The following LRP4 variants were observed in gnomAD, a reference collection of about 807,000 sequenced individuals.
LRP4 encodes LDL receptor related protein 4.
In LRP4, 95 loss-of-function variants were observed where a neutral mutation model predicts 220.3. That is an observed-to-expected ratio of 0.43 (90% CI 0.37 to 0.51). LRP4 has a LOEUF of 0.51. Ranked by LOEUF, LRP4 falls within the 20% of genes least tolerant of loss-of-function variation. The probability of loss-of-function intolerance (pLI) is 0.00; values close to 1 mark genes in which losing one functional copy is unlikely to be tolerated. For synonymous variants in LRP4, 903 were observed against 954.6 expected (o/e 0.95, Z 1.00); for missense variants, 1,925 against 2,567.0 (o/e 0.75, Z 5.40).
At position 46,876,454 on chromosome 11, in the gene LRP4, G is replaced by A; in HGVS notation, c.3536+12C>T. On this transcript the variant is annotated intron_variant, in intron 25 of 37. Transcript: ENST00000378623. ...CCCCCACACTACCCAGTGCGATACA[G>A]CCAGCTCTCACCCCATCTCATGGTA... 1 of 1,614,130 alleles carries A rather than the reference G, an allele frequency of 6.2e-7. No individual in the cohort carries two copies. The highest frequency in any genetic ancestry group is 8.5e-7 in the Non-Finnish European group (1 of 1,180,000).
intron 34 of LRP4, among the ~76,000 whole-genome samples, chr11:46,866,884 C>G (rs1940718819): frequency 1.3e-5 from 2 of 151,738 alleles, no homozygotes; most frequent in African/African-American, 4.8e-5. Flanking sequence ...TGTGTTCATG[C>G]TACTGCACTC....
intron 19 of LRP4, 37 bp downstream of exon 19, chr11:46,883,834 G>A: frequency 6.8e-7 from 1 of 1,463,174 alleles, no homozygotes; most frequent in Non-Finnish European, 9.6e-7. Flanking sequence ...TCTTGGGAGG[G>A]GTGGATGGAG....
In LRP4 at chr11:46,873,046, TTC is replaced by T; in HGVS notation, c.4583+52_4583+53del. On this transcript the variant is annotated intron_variant, in intron 30 of 37. Coordinates refer to ENST00000378623, the MANE Select transcript of LRP4 (RefSeq NM_002334.4). The surrounding 1 kb of genome is among the most constrained non-coding windows in gnomAD (Gnocchi z 4.2). ...ATTTTTCCAAGGTTAATCTCAACCA[TTC>T]TCTCTTCTGCCCACCCGATTTCCAG... The T allele has an allele frequency of 2.5e-6, 4 of 1,612,172 alleles. No homozygotes were observed. In the South Asian group the frequency reaches 4.4e-5, roughly 18 times the overall value.
chr11:46,874,732 A>G, intron 28 of LRP4, 68 bp downstream of exon 28: 1 of 1,432,980 alleles, frequency 7.0e-7, no homozygotes, highest in Non-Finnish European at 9.8e-7. Flanking sequence ...AGTGGTCAGA[A>G]CACAACCTCA....
intron 13 of LRP4, among the ~76,000 whole-genome samples, chr11:46,891,466 G>C (rs7928267): frequency 4.9e-4 from 47 of 96,370 alleles, no homozygotes; most frequent in African/African-American, 1.8e-3. Context: ...CACACACACA[G>C]ACACACACAC....
chr11:46,892,849 C>T (rs1458292768), intron 13 of LRP4, 124 bp downstream of exon 13: 30 of 1,195,486 alleles, frequency 2.5e-5, no homozygotes, highest in Middle Eastern at 2.8e-4. Flanking sequence ...GGATTACAGG[C>T]GTGAGCCACC....
chr11:46,864,577 CTT>C (rs765512668), intron 35 of LRP4, 42 bp from the exon 36 acceptor site: 8 of 1,326,674 alleles, frequency 6.0e-6, no homozygotes, highest in Non-Finnish European at 8.7e-6. Context: ...CCACCGACAA[CTT>C]TCTAGCGGTG....
intron 1 of LRP4, among the ~76,000 whole-genome samples, chr11:46,908,974 G>A (rs1941807682): frequency 6.6e-6 from 1 of 152,246 alleles, no homozygotes; most frequent in South Asian, 2.1e-4. Context: ...AGGTCACAAG[G>A]TAAGTAGGAG....
chr11:46,903,893 G>A (rs962630865), intron 1 of LRP4, among the ~76,000 whole-genome samples: 6 of 152,204 alleles, frequency 3.9e-5, no homozygotes, highest in African/African-American at 1.4e-4. Context: ...CCCGGCTTCA[G>A]CAGCACGCAG....
chr11:46,875,897 G>A lies in LRP4; in HGVS notation c.3606C>T (p.Arg1202=), dbSNP rs201300963. The change falls in exon 26 of 38, where the codon CGC becomes CGT. Residue 1202 remains arginine (R), a synonymous_variant. Coordinates refer to ENST00000378623, the MANE Select transcript of LRP4 (RefSeq NM_002334.4). This position sits in a 1 kb window ranked among gnomAD's most constrained non-coding sequence, Gnocchi z 4.5. ...LERSGMDGSD[R]AVLINNNLGW... is the part of the protein sequence containing the mutation. ...CTAGGTTGTTGTTGATGAGCACCGCGCGGTCTGAGCCATCCATTCCGGACC... is the reference window on the plus strand; with the variant it reads ...CTAGGTTGTTGTTGATGAGCACCGCACGGTCTGAGCCATCCATTCCGGACC... 2.5e-5 allele frequency: 40 copies of A among 1,613,966 alleles called. No homozygotes were observed. Among genetic ancestry groups the A allele is most frequent in the Non-Finnish European group, 3.1e-5 (36 of 1,180,014 alleles).
rs142300637 is a variant in LRP4, at chr11:46,873,166, C to T, written c.4517G>A (p.Arg1506Gln). The change falls in exon 30 of 38, where the codon CGG becomes CAG. Residue 1506 changes from arginine (R) to glutamine (Q), a missense_variant. Transcript: ENST00000378623. The surrounding 1 kb of genome is among the most constrained non-coding windows in gnomAD (Gnocchi z 4.2). ...IERANLDGSE[R>Q]KVLINTDLGW... Reference sequence around the variant, plus strand: ...CAGGTCTGTGTTGATGAGGACCTTCCGCTCAGAACCATCCAAGTTTGCCCG... The same window carrying T: ...CAGGTCTGTGTTGATGAGGACCTTCTGCTCAGAACCATCCAAGTTTGCCCG... 2.4e-5 allele frequency: 38 copies of T among 1,614,076 alleles called. No homozygotes were observed. The highest frequency in any genetic ancestry group is 5.3e-5 in the African/African-American group (4 of 74,910).
chr11:46,889,616 G>A, intron 15 of LRP4, 83 bp from the exon 16 acceptor site: 3 of 1,573,478 alleles, frequency 1.9e-6, no homozygotes, highest in Non-Finnish European at 2.6e-6. Flanking sequence ...TTTAGGTAGG[G>A]TGATAGTTCC....
intron 28 of LRP4, chr11:46,874,416 C>G (rs908107905): frequency 3.7e-5 from 7 of 189,972 alleles, no homozygotes; most frequent in African/African-American, 1.2e-4. Flanking sequence ...TTGTAAACCA[C>G]CATAAGACTT....
chr11:46,873,764 A>G lies in LRP4; in HGVS notation c.4230-171T>C. 1 of 588,820 alleles carries G rather than the reference A, an allele frequency of 1.7e-6. No individual in the cohort carries two copies. Among genetic ancestry groups the G allele is most frequent in the Non-Finnish European group, 3.0e-6 (1 of 332,880 alleles). 36.5% of individuals were successfully genotyped at this position (588,820 alleles called of 1,614,324 possible). ...CCCAGCATGATAGATGTTCAATAAA[A>G]TAATTGCAGAATGAAGGAACCAGTT... On this transcript the variant is annotated intron_variant, in intron 28 of 37. Coordinates refer to ENST00000378623, the MANE Select transcript of LRP4 (RefSeq NM_002334.4). This position sits in a 1 kb window ranked among gnomAD's most constrained non-coding sequence, Gnocchi z 4.2.
In LRP4 at chr11:46,876,406, G is replaced by A. The variant is rs926362308; in HGVS notation, c.3536+60C>T. On this transcript the variant is annotated intron_variant, in intron 25 of 37. Transcript: ENST00000378623. ...CCTCTCCACTACCCACCTTTACCCCGTCATAACCCCAGCTGAGCTGGCCCC... is the reference window on the plus strand; with the variant it reads ...CCTCTCCACTACCCACCTTTACCCCATCATAACCCCAGCTGAGCTGGCCCC... 1.6e-5 allele frequency: 26 copies of A among 1,602,834 alleles called. 1 individual carries two copies. Among genetic ancestry groups the A allele is most frequent in the East Asian group, 6.7e-5 (3 of 44,856 alleles).
intron 1 of LRP4, among the ~76,000 whole-genome samples, chr11:46,906,242 G>T (rs961000313): frequency 2.0e-5 from 3 of 152,192 alleles, no homozygotes; most frequent in Admixed American, 2.0e-4. Context: ...GATCACTTGA[G>T]GTCAGGAGTT....
intron 32 of LRP4, 102 bp downstream of exon 32, chr11:46,868,886 A>G (rs1268250334): frequency 6.6e-7 from 1 of 1,508,620 alleles, no homozygotes; most frequent in East Asian, 2.3e-5. Flanking sequence ...TGAACCAAGA[A>G]GCTCTCTTGT....
intron 15 of LRP4, 42 bp from the exon 16 acceptor site, chr11:46,889,575 C>A (rs777688017): frequency 6.2e-7 from 1 of 1,609,788 alleles, no homozygotes; most frequent in South Asian, 1.1e-5. Context: ...CGAAGGTCTG[C>A]AAAAGTGACC....
chr11:46,870,420 C>T (rs1391154856), intron 31 of LRP4, among the ~76,000 whole-genome samples: 2 of 152,100 alleles, frequency 1.3e-5, no homozygotes, highest in Non-Finnish European at 1.5e-5. Context: ...CTTTCTGTCT[C>T]TCTTTCTCTG....
Sources: gnomAD v4.1 joint callset for allele counts (sites outside exome capture counted in the v4.1 genomes callset) on GRCh38, gnomAD v4.1.1 for gene constraint, Gnocchi (gnomAD v3.1) non-coding constraint, MANE v1.5 for transcripts, NCBI Gene and HGNC (gene_info 2026-07-23, HGNC 2026-07-21) for gene names.